The following SAMD7 variants were observed in gnomAD, a reference collection of about 807,000 sequenced individuals.
The protein encoded by SAMD7 is sterile alpha motif domain-containing protein 7.
SAMD7 carries 34 observed loss-of-function variants against 36.7 expected under a neutral mutation model. The ratio of observed to expected loss-of-function variants is 0.93; its 90% CI spans 0.71 to 1.23. The LOEUF is 1.23. SAMD7 is among the 50% of genes most tolerant of loss of function. The probability of loss-of-function intolerance (pLI) is 0.00; values close to 1 mark genes in which losing one functional copy is unlikely to be tolerated. For synonymous variants in SAMD7, 188 were observed against 189.7 expected (o/e 0.99, Z 0.07); for missense variants, 570 against 546.6 (o/e 1.04, Z -0.43).
Position 169,928,582 on chromosome 3 carries a change from A to G in SAMD7, c.1041+4A>G. 1 of 1,611,994 alleles carries G rather than the reference A, an allele frequency of 6.2e-7. No homozygotes were observed. The highest frequency in any genetic ancestry group is 1.1e-5 in the South Asian group (1 of 90,462). On this transcript the variant is annotated splice_donor_region_variant and intron_variant, in intron 7 of 8. Coordinates refer to ENST00000335556, the MANE Select transcript of SAMD7 (RefSeq NM_001304366.2). ...AGGTTGTTCAGACTATGCTCAGGTG[A>G]CTTAATGTTTAAGTATTTCCATACA...
chr3:169,935,035 G>A (rs1713670760), intron 7 of SAMD7, among the ~76,000 whole-genome samples: 1 of 152,196 alleles, frequency 6.6e-6, no homozygotes, highest in African/African-American at 2.4e-5. Flanking sequence ...TGGTGGGACA[G>A]AGGCACCCGG....
At chr3:169,924,959 T>TTTC (rs1713194404) in intron 4 of SAMD7, 99 bp from the exon 5 acceptor site, 2 of 780,578 alleles carry the variant, frequency 2.6e-6, no homozygotes, top group South Asian at 3.7e-5. Flanking sequence ...GTTTTTTTTT[T>TTTC]TTCAGATACT....
chr3:169,927,078 A>T lies in SAMD7; in HGVS notation c.816A>T (p.Ala272=). 2.5e-6 allele frequency: 4 copies of T among 1,610,018 alleles called. No homozygotes were observed. Among genetic ancestry groups the T allele is most frequent in the Non-Finnish European group, 3.4e-6 (4 of 1,178,920 alleles). The change falls in exon 6 of 9, where the codon GCA becomes GCT. Residue 272 remains alanine (A), a synonymous_variant. Transcript: ENST00000335556. ...GGTCTCACACCACTACCCTGAAAGC[A>T]AAGGCCTGGGACGATGGGAAAGAGG... The part of the protein sequence containing the change: ...PWGSHTTTLK[A]KAWDDGKEEA...
chr3:169,913,519 T>C (rs1252066807), intron 1 of SAMD7, among the ~76,000 whole-genome samples: 1 of 152,176 alleles, frequency 6.6e-6, no homozygotes, highest in African/African-American at 2.4e-5. Context: ...GAGGGGTTTG[T>C]TGAGGGTAAG....
intron 2 of SAMD7, among the ~76,000 whole-genome samples, chr3:169,915,961 G>A (rs1370118799): frequency 1.3e-5 from 2 of 152,126 alleles, no homozygotes; most frequent in Non-Finnish European, 2.9e-5. Context: ...ACAATTTGAT[G>A]AGTTTTGGCA....
At chr3:169,934,602 G>C (rs1019633548) in intron 7 of SAMD7, among the ~76,000 whole-genome samples, 3 of 152,184 alleles carry the variant, frequency 2.0e-5, no homozygotes, top group African/African-American at 7.2e-5. Context: ...GACAGAATCT[G>C]TGCTTTTGTG....
intron 7 of SAMD7, chr3:169,932,079 G>C (rs1713516821): frequency 1.9e-6 from 1 of 530,926 alleles, no homozygotes; most frequent in South Asian, 2.6e-5. Context: ...TGACAACTTA[G>C]ATACATCAAC....
Position 169,938,659 on chromosome 3 carries a change from C to T in SAMD7, c.*153C>T, listed in dbSNP as rs1713813412. The T allele has an allele frequency of 3.6e-6, 2 of 561,120 alleles. No individual in the cohort carries two copies. The highest frequency in any genetic ancestry group is 6.2e-6 in the Non-Finnish European group (2 of 324,072). 34.8% of individuals were successfully genotyped at this position (561,120 alleles called of 1,614,324 possible). Reference sequence around the variant, plus strand: ...TCATGGAGGAGACTTGCCCAAGGGGCTTCCCTGCCAGGGCTGAATGACCCC... The same window carrying T: ...TCATGGAGGAGACTTGCCCAAGGGGTTTCCCTGCCAGGGCTGAATGACCCC... On this transcript the variant is annotated 3_prime_UTR_variant, in exon 9 of 9. Coordinates refer to ENST00000335556, the MANE Select transcript of SAMD7 (RefSeq NM_001304366.2).
At chr3:169,920,996 G>A (rs1039911267) in intron 3 of SAMD7, among the ~76,000 whole-genome samples, 1 of 152,080 alleles carries the variant, frequency 6.6e-6, no homozygotes, top group Non-Finnish European at 1.5e-5. Flanking sequence ...TTCTCATTTT[G>A]TTGTCAGCTG....
intron 6 of SAMD7, among the ~76,000 whole-genome samples, 196 bp downstream of exon 6, chr3:169,927,377 C>T (rs1215354041): frequency 6.7e-6 from 1 of 149,674 alleles, no homozygotes; most frequent in Admixed American, 6.8e-5. Flanking sequence ...TCACTGCAAC[C>T]TCCGCCTGCC....
chr3:169,926,681 A>G lies in SAMD7; in HGVS notation c.419A>G (p.His140Arg), dbSNP rs951232095. ...GTCCCAGCTGCCCCCGCTGCCTACCATGGCAGGAGCATGCTCCCTGCCGGT... is the reference window on the plus strand; with the variant it reads ...GTCCCAGCTGCCCCCGCTGCCTACCGTGGCAGGAGCATGCTCCCTGCCGGT... ...SSVPAAPAAYHGRSMLPAGDL... is the reference protein window; with the variant it reads ...SSVPAAPAAYRGRSMLPAGDL... Residue 140 changes from histidine to arginine, a missense_variant, in exon 6 of 9, where the codon CAT becomes CGT. By Grantham distance (29) the His-to-Arg change is conservative. Transcript: ENST00000335556. The G allele has an allele frequency of 1.2e-6, 2 of 1,613,798 alleles. No individual in the cohort carries two copies. Among genetic ancestry groups the G allele is most frequent in the Admixed American group, 1.7e-5 (1 of 59,978 alleles).
chr3:169,933,277 G>C (rs1713589026), intron 7 of SAMD7: 1 of 470,684 alleles, frequency 2.1e-6, no homozygotes. Flanking sequence ...TACAAAGATA[G>C]AGAAGCAGCA....
At chr3:169,936,854 A>C (rs1233799942) in intron 8 of SAMD7, among the ~76,000 whole-genome samples, 1 of 152,066 alleles carries the variant, frequency 6.6e-6, no homozygotes, top group Non-Finnish European at 1.5e-5. Flanking sequence ...CTCCGGGCCC[A>C]TGACACTTGG....
chr3:169,932,270 T>C (rs771371293), intron 7 of SAMD7: 2 of 811,218 alleles, frequency 2.5e-6, no homozygotes, highest in Non-Finnish European at 4.2e-6. Context: ...GGGGCAATCA[T>C]GCATGCCATG....
intron 4 of SAMD7, among the ~76,000 whole-genome samples, chr3:169,922,026 T>C (rs1294862133): frequency 2.0e-5 from 3 of 152,108 alleles, no homozygotes; most frequent in African/African-American, 7.2e-5. Flanking sequence ...AAAATTTTGG[T>C]GCAAGTAGTT....
intron 1 of SAMD7, among the ~76,000 whole-genome samples, chr3:169,913,669 G>A (rs1291125362): frequency 6.6e-6 from 1 of 152,154 alleles, no homozygotes; most frequent in African/African-American, 2.4e-5. Context: ...TACCAGACAC[G>A]CTCTGCACTG....
At chr3:169,919,811 A>G (rs900755255) in intron 3 of SAMD7, among the ~76,000 whole-genome samples, 2 of 152,230 alleles carry the variant, frequency 1.3e-5, no homozygotes, top group Admixed American at 6.5e-5. Flanking sequence ...ATTAATGAGC[A>G]CATACTATAT....
intron 7 of SAMD7, among the ~76,000 whole-genome samples, chr3:169,934,778 A>G (rs1402899453): frequency 2.0e-5 from 3 of 152,210 alleles, no homozygotes; most frequent in Non-Finnish European, 4.4e-5. Flanking sequence ...GAAGCTGAGC[A>G]AAGCTGAAAT....
At chr3:169,932,385 G>A (rs1268915868) in intron 7 of SAMD7, 1 of 645,260 alleles carries the variant, frequency 1.5e-6, no homozygotes, top group Admixed American at 1.8e-5. Context: ...AACCTAAGTA[G>A]TATAGCCGAG....
Sources: gnomAD v4.1 joint callset for allele counts (sites outside exome capture counted in the v4.1 genomes callset) on GRCh38, gnomAD v4.1.1 for gene constraint, MANE v1.5 for transcripts, NCBI Gene and HGNC (gene_info 2026-07-23, HGNC 2026-07-21) for gene names.